The following MAP3K13 variants were observed in gnomAD, a reference collection of about 807,000 sequenced individuals.
The protein encoded by MAP3K13 is leucine zipper-bearing kinase.
A neutral mutation model predicts 104.0 loss-of-function variants in MAP3K13; 52 were observed. That is an observed-to-expected ratio of 0.50 (90% CI 0.40 to 0.63). MAP3K13 has a LOEUF of 0.63. Among genes scored for constraint, MAP3K13 ranks in the 20% least tolerant of loss-of-function variants. The pLI is 0.00. For missense variants in MAP3K13, 914 were observed against 1,218.5 expected (o/e 0.75, Z 3.72); for synonymous variants, 394 against 442.2 (o/e 0.89, Z 1.37).
Position 185,418,418 on chromosome 3 carries a change from G to C in MAP3K13, c.-85-10079G>C. ...GCCAGGGCAGAACAGATGGCATATC[G>C]TTTTTGGGTTGTGTTCACTCTACGA... On this transcript the variant is annotated intron_variant, in intron 1 of 13. Transcript: ENST00000265026. The surrounding 1 kb of genome is among the most constrained non-coding windows in gnomAD (Gnocchi z 4.5). 2.5e-6 allele frequency: 4 copies of C among 1,608,338 alleles called. 1 individual carries two copies. Among genetic ancestry groups the C allele is most frequent in the Non-Finnish European group, 3.4e-6 (4 of 1,176,514 alleles).
Position 185,418,781 on chromosome 3 carries a change from C to A in MAP3K13, c.-85-9716C>A. The A allele has an allele frequency of 3.8e-6, 6 of 1,597,300 alleles. No homozygotes were observed. The highest frequency in any genetic ancestry group is 5.1e-6 in the Non-Finnish European group (6 of 1,168,034). On this transcript the variant is annotated intron_variant, in intron 1 of 13. Coordinates refer to ENST00000265026, the MANE Select transcript of MAP3K13 (RefSeq NM_004721.5). The surrounding 1 kb of genome is among the most constrained non-coding windows in gnomAD (Gnocchi z 4.5). ...ATCATTGGGCGAGCACACGCCATGG[C>A]GGAGAGAGGAGACAGCCACGCTCCT...
At chr3:185,454,589 TATAG>T (rs1225061039) in intron 7 of MAP3K13, among the ~76,000 whole-genome samples, 13 of 89,696 alleles carry the variant, frequency 1.4e-4, no homozygotes, top group African/African-American at 5.0e-4. Context: ...ATATATGATA[TATAG>T]ATATATATGA....
intron 2 of MAP3K13, among the ~76,000 whole-genome samples, chr3:185,294,991 C>T (rs1487847094): frequency 6.6e-6 from 1 of 152,070 alleles, no homozygotes. Flanking sequence ...TACTCCTCCC[C>T]CCTCTAATCT....
chr3:185,417,346 T>C, intron 1 of MAP3K13: 4 of 879,152 alleles, frequency 4.5e-6, no homozygotes, highest in Non-Finnish European at 6.7e-6. Context: ...ATCTGGACCT[T>C]AGAACTTGGA....
chr3:185,323,061 T>A (rs1379391268), intron 2 of MAP3K13, among the ~76,000 whole-genome samples: 1 of 152,196 alleles, frequency 6.6e-6, no homozygotes, highest in Non-Finnish European at 1.5e-5. Context: ...GTCTATCTAT[T>A]GTTTTAATAA....
intron 1 of MAP3K13, among the ~76,000 whole-genome samples, chr3:185,426,333 G>A (rs1260936691): frequency 6.6e-6 from 1 of 152,084 alleles, no homozygotes; most frequent in South Asian, 2.1e-4. Flanking sequence ...GCCCACCTTG[G>A]CCTCCGAAAG....
At position 185,440,544 on chromosome 3, in the gene MAP3K13, GA is replaced by G. The variant is rs551103177; in HGVS notation, c.660-2893del. Among the ~76,000 whole-genome samples the G allele has an allele frequency of 1.1e-4, 17 of 152,006 alleles. No individual in the cohort carries two copies. The East Asian group carries it at 2.5e-3, about 22-fold the overall frequency. On this transcript the variant is annotated intron_variant, in intron 3 of 13. Transcript: ENST00000265026. ...CCTAAGAGACATATAACCGGAACTT[GA>G]AAAAAAATTATTAAAAATCAAGATA...
intron 1 of MAP3K13, among the ~76,000 whole-genome samples, chr3:185,371,868 C>T (rs370775329): frequency 5.3e-5 from 8 of 152,152 alleles, no homozygotes; most frequent in Non-Finnish European, 1.2e-4. Flanking sequence ...CCCACTAAGG[C>T]TCCTTATTAC....
At chr3:185,431,310 C>T (rs2148885199) in intron 2 of MAP3K13, among the ~76,000 whole-genome samples, 1 of 152,246 alleles carries the variant, frequency 6.6e-6, no homozygotes, top group East Asian at 1.9e-4. Flanking sequence ...TTTTAATGGC[C>T]ACATAATATT....
chr3:185,433,887 A>G (rs896327099), intron 2 of MAP3K13, among the ~76,000 whole-genome samples: 8 of 152,202 alleles, frequency 5.3e-5, no homozygotes, highest in Non-Finnish European at 7.4e-5. Context: ...TATTTCTAAA[A>G]AACATAGTGA....
intron 1 of MAP3K13, among the ~76,000 whole-genome samples, chr3:185,386,217 A>G (rs1467725698): frequency 6.6e-6 from 1 of 151,604 alleles, no homozygotes; most frequent in Non-Finnish European, 1.5e-5. Flanking sequence ...AATTTACAAG[A>G]AAAAAAACAA....
chr3:185,391,924 G>A (rs139956044), intron 1 of MAP3K13, among the ~76,000 whole-genome samples: 1,720 of 152,240 alleles, frequency 0.011, 43 homozygotes, highest in African/African-American at 0.038. Context: ...GGGTGCGGGT[G>A]GGGGAGGTGA....
At chr3:185,425,679 A>G (rs771657360) in intron 1 of MAP3K13, among the ~76,000 whole-genome samples, 3 of 152,178 alleles carry the variant, frequency 2.0e-5, no homozygotes, top group Non-Finnish European at 4.4e-5. Flanking sequence ...AGCTTGTCAT[A>G]CAGGCCTACC....
intron 2 of MAP3K13, among the ~76,000 whole-genome samples, chr3:185,336,406 G>A (rs945463543): frequency 1.3e-5 from 2 of 151,818 alleles, no homozygotes; most frequent in African/African-American, 4.8e-5. Flanking sequence ...GCTGGGCATG[G>A]TGGCACATGC....
chr3:185,477,271 A>G (rs1356399509), intron 11 of MAP3K13, 55 bp from the exon 12 acceptor site: 21 of 1,105,260 alleles, frequency 1.9e-5, no homozygotes, highest in Non-Finnish European at 2.9e-5. Context: ...GGATGGGGTG[A>G]GAGAGACAGA....
upstream of MAP3K13, among the ~76,000 whole-genome samples, chr3:185,359,410 G>A (rs1723511718): frequency 6.6e-6 from 1 of 152,114 alleles, no homozygotes. Flanking sequence ...AACCATATCA[G>A]ATCTGTTCAA....
intron 1 of MAP3K13, among the ~76,000 whole-genome samples, chr3:185,391,364 G>A (rs900054379): frequency 3.9e-5 from 6 of 152,140 alleles, no homozygotes; most frequent in African/African-American, 1.2e-4. Flanking sequence ...TTAGCATAAT[G>A]TCTTCAAGAC....
chr3:185,426,358 G>T (rs1313523903), intron 1 of MAP3K13, among the ~76,000 whole-genome samples: 1 of 152,174 alleles, frequency 6.6e-6, no homozygotes, highest in Non-Finnish European at 1.5e-5. Context: ...GGGATTACAG[G>T]CGTGAGCTAC....
intron 1 of MAP3K13, among the ~76,000 whole-genome samples, chr3:185,372,011 A>G (rs896385866): frequency 6.6e-6 from 1 of 152,216 alleles, no homozygotes; most frequent in Admixed American, 6.5e-5. Flanking sequence ...ATGCAAAGCC[A>G]TGATTGCTTT....
Sources: allele counts gnomAD v4.1 joint callset (sites outside exome capture counted in the v4.1 genomes callset), GRCh38; gene constraint gnomAD v4.1.1; non-coding constraint Gnocchi (gnomAD v3.1); transcripts MANE v1.5; gene names NCBI Gene and HGNC (gene_info 2026-07-23, HGNC 2026-07-21).